RUNX1: variants seen among roughly 807,000 people sequenced by gnomAD.
The protein encoded by RUNX1 is runt-related transcription factor 1.
A neutral mutation model predicts 42.8 loss-of-function variants in RUNX1; 19 were observed. The observed-to-expected ratio is 0.44, with a 90% CI of 0.31 to 0.65. RUNX1 has a LOEUF of 0.65. Among genes scored for constraint, RUNX1 ranks in the 30% least tolerant of loss-of-function variants. The probability of loss-of-function intolerance (pLI) is 0.07; values close to 1 mark genes in which losing one functional copy is unlikely to be tolerated. For missense variants in RUNX1, 528 were observed against 672.0 expected (o/e 0.79, Z 2.37); for synonymous variants, 271 against 289.4 (o/e 0.94, Z 0.64).
chr21:34,796,351 A>G (rs760415207), intron 8 of RUNX1, among the ~76,000 whole-genome samples: 7 of 152,138 alleles, frequency 4.6e-5, no homozygotes, highest in Non-Finnish European at 1.0e-4. Context: ...TTCAAATGCT[A>G]TATTCAAATG....
chr21:35,016,717 G>A (rs751848378), intron 2 of RUNX1, among the ~76,000 whole-genome samples: 1 of 152,058 alleles, frequency 6.6e-6, no homozygotes, highest in Non-Finnish European at 1.5e-5. Context: ...CAGGTATAAA[G>A]GGACCAAGAC....
rs1313711063 is a variant in RUNX1, at chr21:34,886,955, T to G, written c.239A>C (p.Glu80Ala). 4 of 1,612,098 alleles carry G rather than the reference T, an allele frequency of 2.5e-6. No individual in the cohort carries two copies. The highest frequency in any genetic ancestry group is 1.7e-6 in the Non-Finnish European group (2 of 1,179,592). Residue 80 changes from glutamate (E) to alanine (A), a missense_variant, in exon 4 of 9, where the codon GAG (glutamate) becomes GCG (alanine). Coordinates refer to ENST00000675419, the MANE Select transcript of RUNX1 (RefSeq NM_001754.5). ...CTCGCCCGGGTGGTCGGCCAGCACC[T>G]CCACCATGCTGCGGTCGCCGCTCCT... ...KLRSGDRSMV[E>A]VLADHPGELV...
intron 2 of RUNX1, among the ~76,000 whole-genome samples, chr21:34,958,944 G>A (rs7282013): frequency 0.047 from 7,118 of 151,554 alleles, 536 homozygotes; most frequent in African/African-American, 0.16. Flanking sequence ...GTAAACTATC[G>A]CAAAGACAAA....
chr21:34,999,320 C>T (rs938826013), intron 2 of RUNX1, among the ~76,000 whole-genome samples: 5 of 152,192 alleles, frequency 3.3e-5, no homozygotes, highest in Admixed American at 2.6e-4. Context: ...CTCCAAAGAT[C>T]ACAAAATGCA....
At chr21:35,009,296 G>A (rs888502810) in intron 2 of RUNX1, among the ~76,000 whole-genome samples, 2 of 152,134 alleles carry the variant, frequency 1.3e-5, no homozygotes, top group Non-Finnish European at 2.9e-5. Flanking sequence ...AATGTTATAT[G>A]ATTTTAAAGA....
intron 2 of RUNX1, among the ~76,000 whole-genome samples, chr21:34,985,844 G>A (rs922180689): frequency 6.8e-6 from 1 of 147,762 alleles, no homozygotes; most frequent in Non-Finnish European, 1.5e-5. Context: ...GTGTCTGGTG[G>A]TCTATCAACA....
intron 2 of RUNX1, among the ~76,000 whole-genome samples, chr21:35,018,213 T>C (rs1275931642): frequency 2.6e-5 from 4 of 152,110 alleles, no homozygotes; most frequent in African/African-American, 9.7e-5. Context: ...TTTAGTATTT[T>C]TAGGGTTTCA....
At chr21:34,869,553 A>G (rs2057709274) in intron 5 of RUNX1, among the ~76,000 whole-genome samples, 1 of 152,242 alleles carries the variant, frequency 6.6e-6, no homozygotes, top group African/African-American at 2.4e-5. Context: ...AATGCAAGAT[A>G]ATAGTGTAGT....
intron 3 of RUNX1, among the ~76,000 whole-genome samples, chr21:34,889,079 C>T (rs1384950140): frequency 6.6e-6 from 1 of 151,326 alleles, no homozygotes; most frequent in Non-Finnish European, 1.5e-5. Context: ...CCGGCCGGCG[C>T]GCCGCACCCG....
At chr21:34,890,652 G>C (rs2058070557) in intron 3 of RUNX1, among the ~76,000 whole-genome samples, 1 of 152,188 alleles carries the variant, frequency 6.6e-6, no homozygotes, top group African/African-American at 2.4e-5. Flanking sequence ...TAATGGACCT[G>C]GGGTCTCGGA....
intron 2 of RUNX1, among the ~76,000 whole-genome samples, chr21:34,956,308 G>C (rs560861255): frequency 5.9e-4 from 90 of 152,170 alleles, no homozygotes; most frequent in African/African-American, 2.1e-3. Flanking sequence ...CAATAGTTTT[G>C]GTTGGCAGAA....
intron 2 of RUNX1, among the ~76,000 whole-genome samples, chr21:34,982,203 T>C (rs554715608): frequency 6.6e-6 from 1 of 152,220 alleles, no homozygotes; most frequent in Non-Finnish European, 1.5e-5. Context: ...CCATCTTTCT[T>C]ACCAAGGATT....
rs113479308 is a variant in RUNX1, at chr21:34,899,828, A to G, written c.59-6865T>C. The stretch of plus-strand genomic sequence containing the variant: ...GTATTACCAGTCAAATTTCCTTATT[A>G]GATCCTGACAAGTTGCCTTTAAACC... On this transcript the variant is annotated intron_variant, in intron 2 of 8. Coordinates refer to ENST00000675419, the MANE Select transcript of RUNX1 (RefSeq NM_001754.5). Among the ~76,000 whole-genome samples, 1,040 of 152,350 alleles carry G rather than the reference A, an allele frequency of 6.8e-3. 11 individuals carry two copies. Among genetic ancestry groups the G allele is most frequent in the African/African-American group, 0.023 (961 of 41,590 alleles).
chr21:35,041,771 T>G (rs1425278692), intron 2 of RUNX1, among the ~76,000 whole-genome samples: 1 of 151,942 alleles, frequency 6.6e-6, no homozygotes, highest in African/African-American at 2.4e-5. Context: ...CATCTGTAAC[T>G]TGCAGAAATT....
Position 34,944,687 on chromosome 21 carries a change from T to C in RUNX1, c.59-51724A>G, listed in dbSNP as rs3804013. Among the ~76,000 whole-genome samples, 25 of 152,274 alleles carry C rather than the reference T, an allele frequency of 1.6e-4. No homozygotes were observed. The East Asian group carries it at 3.9e-3, about 23-fold the overall frequency. On this transcript the variant is annotated intron_variant, in intron 2 of 8. Transcript: ENST00000675419. ...ACATGCTGCAGTGTGAATGGCAGAA[T>C]TGGGGAGGCCTAGGTCTGGGTTTTT...
At chr21:34,955,545 G>C (rs1314279124) in intron 2 of RUNX1, among the ~76,000 whole-genome samples, 1 of 152,130 alleles carries the variant, frequency 6.6e-6, no homozygotes, top group Non-Finnish European at 1.5e-5. Flanking sequence ...AATGTAACCC[G>C]ATTTGACTTA....
At chr21:34,893,756 A>T (rs1357435932) in intron 2 of RUNX1, among the ~76,000 whole-genome samples, 2 of 150,126 alleles carry the variant, frequency 1.3e-5, no homozygotes, top group African/African-American at 5.0e-5. Context: ...CCATGCCACA[A>T]TATTTAGTAT....
At position 34,901,208 on chromosome 21, in the gene RUNX1, T is replaced by C. The variant is rs1244239027; in HGVS notation, c.59-8245A>G. ...ACCCCTGAAGGTCCAAGTGTCTCTT[T>C]TGTGCAAAGATAACAGTTTCTGGCT... On this transcript the variant is annotated intron_variant, in intron 2 of 8. Coordinates refer to ENST00000675419, the MANE Select transcript of RUNX1 (RefSeq NM_001754.5). The surrounding 1 kb of genome is among the most constrained non-coding windows in gnomAD (Gnocchi z 4.3). Among the ~76,000 whole-genome samples, 1 of 151,880 alleles carries C rather than the reference T, an allele frequency of 6.6e-6. No homozygotes were observed. The highest frequency in any genetic ancestry group is 6.6e-5 in the Admixed American group (1 of 15,254).
chr21:34,847,396 G>A lies in RUNX1; in HGVS notation c.613+12078C>T, dbSNP rs190398181. Among the ~76,000 whole-genome samples the A allele has an allele frequency of 1.1e-4, 17 of 152,038 alleles. No individual in the cohort carries two copies. The East Asian group carries it at 3.1e-3, about 28-fold the overall frequency. ...TCTTCTCACCAATCCTGAAAGACAC[G>A]ACGAGATAATATCTACTTTCAATAA... is the stretch of plus-strand genomic sequence containing the variant. On this transcript the variant is annotated intron_variant, in intron 6 of 8. Coordinates refer to ENST00000675419, the MANE Select transcript of RUNX1 (RefSeq NM_001754.5).
Sources: gnomAD v4.1 joint callset for allele counts (sites outside exome capture counted in the v4.1 genomes callset) on GRCh38, gnomAD v4.1.1 for gene constraint, Gnocchi (gnomAD v3.1) non-coding constraint, MANE v1.5 for transcripts, NCBI Gene and HGNC (gene_info 2026-07-23, HGNC 2026-07-21) for gene names.